MACF1: variants seen among roughly 807,000 people sequenced by gnomAD.
MACF1 encodes the protein microtubule actin crosslinking factor 1.
MACF1 carries 193 observed loss-of-function variants against 854.8 expected under a neutral mutation model. That is an observed-to-expected ratio of 0.23 (90% CI 0.20 to 0.25). MACF1 has a LOEUF of 0.25. MACF1 is among the 10% of genes least tolerant of loss of function. MACF1 has a pLI of 1.00. For missense variants in MACF1, 7,722 were observed against 8,929.1 expected (o/e 0.86, Z 5.45); for synonymous variants, 3,185 against 3,226.7 (o/e 0.99, Z 0.44).
intron 1 of MACF1, among the ~76,000 whole-genome samples, chr1:39,228,846 G>T (rs111701080): frequency 0.16 from 24,347 of 152,016 alleles, 2,407 homozygotes; most frequent in Middle Eastern, 0.22. Flanking sequence ...TAGAGACGGG[G>T]TTTCACCATG....
At chr1:39,458,292 C>A in intron 89 of MACF1, 78 bp from the exon 90 acceptor site, 1 of 1,432,364 alleles carries the variant, frequency 7.0e-7, no homozygotes, top group Non-Finnish European at 9.6e-7. Context: ...GTAAAGTACC[C>A]ATCCTAGCTC....
chr1:39,109,871 CATT>C (rs954864875), intron 2 of MACF1, among the ~76,000 whole-genome samples: 3 of 152,120 alleles, frequency 2.0e-5, no homozygotes, highest in Admixed American at 1.3e-4. Flanking sequence ...TTGTTAGTAT[CATT>C]ATTGTTGTTA....
intron 40 of MACF1, among the ~76,000 whole-genome samples, chr1:39,342,291 G>A (rs1396567935): frequency 6.6e-6 from 1 of 152,066 alleles, no homozygotes; most frequent in South Asian, 2.1e-4. Flanking sequence ...TCTTTATCCA[G>A]TGTACCATTG....
intron 2 of MACF1, among the ~76,000 whole-genome samples, chr1:39,237,622 A>G (rs1430918098): frequency 1.3e-5 from 2 of 152,154 alleles, no homozygotes; most frequent in Non-Finnish European, 2.9e-5. Context: ...TGCCAAAACG[A>G]TACAGCTAGT....
chr1:39,304,788 T>C (rs1646134572), intron 23 of MACF1: 1 of 274,872 alleles, frequency 3.6e-6, no homozygotes, highest in Non-Finnish European at 7.0e-6. Flanking sequence ...GGTCTCGATC[T>C]CCTGACCTTG....
chr1:39,449,725 CAG>C (rs2148676415), intron 84 of MACF1, among the ~76,000 whole-genome samples: 1 of 128,686 alleles, frequency 7.8e-6, no homozygotes, highest in Admixed American at 8.2e-5. Context: ...CATGTTGAGA[CAG>C]GGTCTAGCTC....
chr1:39,422,032 G>A (rs913873500), intron 58 of MACF1, among the ~76,000 whole-genome samples: 1 of 151,872 alleles, frequency 6.6e-6, no homozygotes. Context: ...CCGAGATCAC[G>A]CCACTGCACT....
chr1:39,412,535 A>G (rs1376414198), intron 58 of MACF1: 1 of 1,613,888 alleles, frequency 6.2e-7, no homozygotes, highest in African/African-American at 1.3e-5. Flanking sequence ...AAGTCCCCAG[A>G]GTCAGAGATT....
At chr1:39,379,513 A>G (rs1166531892) in intron 54 of MACF1, 69 bp downstream of exon 54, 9 of 1,522,022 alleles carry the variant, frequency 5.9e-6, no homozygotes, top group South Asian at 1.3e-5. Flanking sequence ...GTTCCTGCCC[A>G]AGCCCAGGTA....
chr1:39,201,664 T>A (rs1644391205), upstream of MACF1, among the ~76,000 whole-genome samples: 1 of 152,030 alleles, frequency 6.6e-6, no homozygotes, highest in African/African-American at 2.4e-5. Flanking sequence ...GCAATCCTTT[T>A]AAAACCTAAG....
chr1:39,359,097 G>T, intron 46 of MACF1, 44 bp from the exon 47 acceptor site: 1 of 1,610,812 alleles, frequency 6.2e-7, no homozygotes, highest in South Asian at 1.1e-5. Context: ...AATCATCTTT[G>T]ATTACTTAGA....
chr1:39,333,604 A>G lies in MACF1; in HGVS notation c.7016A>G (p.Gln2339Arg), dbSNP rs535224757. 3.1e-6 allele frequency: 5 copies of G among 1,614,226 alleles called. No individual in the cohort carries two copies. The East Asian group carries it at 1.1e-4, about 36-fold the overall frequency. Reference sequence around the variant, plus strand: ...ATGTTTCAGGGGTTCTTTGACTCTCAGACTTGTGAGTCTTTGACAACTGAA... The same window carrying G: ...ATGTTTCAGGGGTTCTTTGACTCTCGGACTTGTGAGTCTTTGACAACTGAA... ...LNMFQGFFDS[Q>R]TCESLTTEEV... Residue 2339 changes from glutamine (Q) to arginine (R), a missense_variant, in exon 37 of 101, where the codon CAG (glutamine) becomes CGG (arginine). Transcript: ENST00000564288.
At chr1:39,134,762 G>A (rs1046257585) in intron 2 of MACF1, among the ~76,000 whole-genome samples, 1 of 152,056 alleles carries the variant, frequency 6.6e-6, no homozygotes, top group Middle Eastern at 3.2e-3. Flanking sequence ...ATAACAATAC[G>A]CTTGATTTTT....
chr1:39,285,280 G>T lies in MACF1; in HGVS notation c.1260-17G>T. Reference sequence around the variant, plus strand: ...GCTGTGAACCTTGCACATGACTATGGTTTTATCTTATTTCAGGCTGGAATT... The same window carrying T: ...GCTGTGAACCTTGCACATGACTATGTTTTTATCTTATTTCAGGCTGGAATT... On this transcript the variant is annotated splice_polypyrimidine_tract_variant and intron_variant, in intron 12 of 100. Transcript: ENST00000564288. 1 of 1,614,152 alleles carries T rather than the reference G, an allele frequency of 6.2e-7. No homozygotes were observed. Among genetic ancestry groups the T allele is most frequent in the Non-Finnish European group, 8.5e-7 (1 of 1,180,030 alleles).
intron 51 of MACF1, 33 bp downstream of exon 51, chr1:39,370,219 T>C: frequency 1.3e-6 from 2 of 1,575,168 alleles, no homozygotes; most frequent in Non-Finnish European, 1.7e-6. Context: ...AGAATTGGGC[T>C]AGGCACTGGT....
chr1:39,122,802 CAG>C (rs1642750244), intron 2 of MACF1, among the ~76,000 whole-genome samples: 1 of 152,146 alleles, frequency 6.6e-6, no homozygotes, highest in Non-Finnish European at 1.5e-5. Flanking sequence ...GCATTCTCGC[CAG>C]AGTCACAATG....
intron 23 of MACF1, among the ~76,000 whole-genome samples, chr1:39,308,057 A>G (rs1286664104): frequency 6.6e-6 from 1 of 151,128 alleles, no homozygotes; most frequent in Non-Finnish European, 1.5e-5. Flanking sequence ...GGCATCTGCC[A>G]CCACGCCTAG....
chr1:39,325,041 C>T (rs1322961764), intron 35 of MACF1, among the ~76,000 whole-genome samples: 2 of 151,988 alleles, frequency 1.3e-5, no homozygotes, highest in African/African-American at 2.4e-5. Flanking sequence ...CAAGAAATGA[C>T]GAGGAATGGA....
chr1:39,175,865 A>G (rs1429804162), intron 2 of MACF1, among the ~76,000 whole-genome samples: 5 of 149,896 alleles, frequency 3.3e-5, no homozygotes, highest in African/African-American at 4.9e-5. Context: ...TGGGAGGCCA[A>G]GGAGGGTGGA....
Sources: allele counts gnomAD v4.1 joint callset (sites outside exome capture counted in the v4.1 genomes callset), GRCh38; gene constraint gnomAD v4.1.1; transcripts MANE v1.5; gene names NCBI Gene and HGNC (gene_info 2026-07-23, HGNC 2026-07-21).